The following OTOA variants were observed in gnomAD, a reference collection of about 807,000 sequenced individuals.
OTOA encodes the protein cancer/testis antigen 108.
A neutral mutation model predicts 110.8 loss-of-function variants in OTOA; 70 were observed. That is an observed-to-expected ratio of 0.63 (90% CI 0.52 to 0.77). OTOA has a LOEUF of 0.77. Ranked by LOEUF, OTOA falls within the 30% of genes least tolerant of loss-of-function variation. The probability of loss-of-function intolerance (pLI) is 0.00; values close to 1 mark genes in which losing one functional copy is unlikely to be tolerated. For synonymous variants in OTOA, 373 were observed against 431.5 expected, an observed-to-expected ratio of 0.86 and a Z score of 1.68; for missense variants, 917 against 1,075.8, an observed-to-expected ratio of 0.85 and a Z score of 2.06.
At chr16:21,670,525 T>C (rs1489042891) in intron 1 of OTOA, among the ~76,000 whole-genome samples, 1 of 152,104 alleles carries the variant, frequency 6.6e-6, no homozygotes, top group Non-Finnish European at 1.5e-5. Context: ...CCCTGTTGTA[T>C]TTTTCTCCAT....
intron 17 of OTOA, among the ~76,000 whole-genome samples, chr16:21,720,165 A>G (rs1488307116): frequency 6.6e-6 from 1 of 152,120 alleles, no homozygotes; most frequent in African/African-American, 2.4e-5. Flanking sequence ...TATGTTGCCC[A>G]GGCTGGTCTC....
intron 22 of OTOA, 136 bp downstream of exon 22, chr16:21,736,526 T>C (rs1321601510): frequency 1.6e-5 from 17 of 1,039,708 alleles, no homozygotes; most frequent in Non-Finnish European, 2.5e-5. Flanking sequence ...ACAAAATCTA[T>C]AAGCAAAAGA....
At chr16:21,721,277 A>G (rs1184703164) in intron 17 of OTOA, 1 of 446,064 alleles carries the variant, frequency 2.2e-6, no homozygotes, top group Non-Finnish European at 4.4e-6. Context: ...ACACACACAC[A>G]CAAACAACCA....
intron 24 of OTOA, among the ~76,000 whole-genome samples, chr16:21,749,974 C>T (rs1290738938): frequency 1.3e-4 from 19 of 148,058 alleles, no homozygotes; most frequent in East Asian, 1.1e-3. Context: ...TGTGAGCCAC[C>T]GTGCCCAGCC....
intron 12 of OTOA, among the ~76,000 whole-genome samples, chr16:21,708,991 T>G (rs1898277645): frequency 6.6e-6 from 1 of 152,178 alleles, no homozygotes; most frequent in Non-Finnish European, 1.5e-5. Context: ...TGTGCTTCTG[T>G]TCATATTACA....
Position 21,697,854 on chromosome 16 carries a change from T to A in OTOA, c.819T>A (p.Ile273=). Residue 273 remains isoleucine, a synonymous_variant, in exon 10 of 29, where the codon ATT becomes ATA. Transcript: ENST00000646100. ...TGGTTCACCTATCGTTTGAAGAAAT[T>A]ACGAAAATTAGTCCTATAGAAGTAA... The part of the protein sequence containing the change: ...RYMVHLSFEE[I]TKISPIEIGL... 1 of 1,613,998 alleles carries A rather than the reference T, an allele frequency of 6.2e-7. No homozygotes were observed. The highest frequency in any genetic ancestry group is 2.2e-5 in the East Asian group (1 of 44,870).
chr16:21,722,315 G>A (rs1898778537), intron 17 of OTOA, among the ~76,000 whole-genome samples: 1 of 148,222 alleles, frequency 6.7e-6, no homozygotes, highest in South Asian at 2.1e-4. Flanking sequence ...ATGCTGTTCT[G>A]TTTATATATA....
chr16:21,728,722 G>A (rs1244030531), intron 20 of OTOA, among the ~76,000 whole-genome samples: 1 of 151,832 alleles, frequency 6.6e-6, no homozygotes, highest in African/African-American at 2.4e-5. Context: ...CCGAGTAGCT[G>A]GGATTACAGG....
chr16:21,696,742 G>A (rs935693948), intron 9 of OTOA, among the ~76,000 whole-genome samples: 3 of 151,770 alleles, frequency 2.0e-5, no homozygotes, highest in African/African-American at 7.3e-5. Context: ...ATTTTTAGTA[G>A]AGACGGGATT....
chr16:21,666,951 C>T (rs1221298940), intron 1 of OTOA, among the ~76,000 whole-genome samples: 1 of 152,038 alleles, frequency 6.6e-6, no homozygotes, highest in African/African-American at 2.4e-5. Context: ...TAGAGGGGCC[C>T]GAGCAAAGAG....
At chr16:21,675,059 T>G (rs187589914) in intron 1 of OTOA, among the ~76,000 whole-genome samples, 1 of 131,306 alleles carries the variant, frequency 7.6e-6, no homozygotes, top group Non-Finnish European at 1.6e-5. Flanking sequence ...CATGTTTTCT[T>G]TCTGTCTTTC....
chr16:21,718,326 G>C (rs1448676796), intron 15 of OTOA, among the ~76,000 whole-genome samples: 1 of 152,096 alleles, frequency 6.6e-6, no homozygotes, highest in East Asian at 1.9e-4. Flanking sequence ...CGGCCATTGA[G>C]CTGATGGGAT....
intron 19 of OTOA, among the ~76,000 whole-genome samples, chr16:21,727,987 C>T (rs930344816): frequency 1.3e-4 from 20 of 152,002 alleles, no homozygotes; most frequent in South Asian, 1.0e-3. Flanking sequence ...GCCTCAGCCT[C>T]TCGAGTAGCT....
At chr16:21,697,647 AC>A (rs1597818909) in intron 9 of OTOA, 127 bp from the exon 10 acceptor site, 3 of 903,278 alleles carry the variant, frequency 3.3e-6, no homozygotes, top group Non-Finnish European at 5.3e-6. Flanking sequence ...ACCCCGAAAA[AC>A]AAAATAACGA....
chr16:21,710,689 A>G (rs2141689613), intron 13 of OTOA, among the ~76,000 whole-genome samples: 1 of 152,202 alleles, frequency 6.6e-6, no homozygotes, highest in East Asian at 1.9e-4. Flanking sequence ...CAGTTTCTCT[A>G]TTTGTAATAT....
intron 21 of OTOA, among the ~76,000 whole-genome samples, chr16:21,731,399 C>T (rs1368553427): frequency 6.6e-6 from 1 of 152,218 alleles, no homozygotes; most frequent in Non-Finnish European, 1.5e-5. Flanking sequence ...GACCAAGGGG[C>T]ATGCAAAATA....
At chr16:21,736,197 A>G in intron 21 of OTOA, 64 bp from the exon 22 acceptor site, 2 of 1,476,256 alleles carry the variant, frequency 1.4e-6, no homozygotes, top group Non-Finnish European at 1.9e-6. Context: ...TTTCAACTCT[A>G]ATTTCAATCT....
In OTOA at chr16:21,731,529, CTTGT is replaced by C. The variant is rs569500099; in HGVS notation, c.2301+602_2301+605del. On this transcript the variant is annotated intron_variant, in intron 21 of 28. Transcript: ENST00000646100. Reference sequence around the variant, plus strand: ...TCGCTGGGGCAGCCCTGCTCTAGAACTTGTTTTTCTTACCATGAAGGTATGAAAC... The same window carrying C: ...TCGCTGGGGCAGCCCTGCTCTAGAACTTTTCTTACCATGAAGGTATGAAAC... 6.6e-5 allele frequency among the ~76,000 whole-genome samples: 10 copies of C among 152,296 alleles called. No individual in the cohort carries two copies. The East Asian group carries it at 1.9e-3, about 29-fold the overall frequency.
intron 18 of OTOA, among the ~76,000 whole-genome samples, chr16:21,724,777 A>AT (rs1218567174): frequency 4.6e-5 from 7 of 151,804 alleles, no homozygotes; most frequent in African/African-American, 9.7e-5. Flanking sequence ...TAATTAATTA[A>AT]TTAATTTATT....
Sources: allele counts gnomAD v4.1 joint callset (sites outside exome capture counted in the v4.1 genomes callset), GRCh38; gene constraint gnomAD v4.1.1; transcripts MANE v1.5; gene names NCBI Gene and HGNC (gene_info 2026-07-23, HGNC 2026-07-21).